Variants in MAP3K7CL observed in about 807,000 individuals in gnomAD.
MAP3K7CL encodes the protein MAP3K7 C-terminal like.
In MAP3K7CL, 16 loss-of-function variants were observed where a neutral mutation model predicts 18.6. The observed-to-expected ratio is 0.86, with a 90% CI of 0.58 to 1.31. The LOEUF (loss-of-function observed/expected upper bound fraction) is 1.31. MAP3K7CL is among the 50% of genes most tolerant of loss of function. MAP3K7CL has a pLI of 0.00. For synonymous variants in MAP3K7CL, 65 were observed against 66.8 expected, an observed-to-expected ratio of 0.97 and a Z score of 0.13; for missense variants, 163 against 174.4, an observed-to-expected ratio of 0.93 and a Z score of 0.37.
intron 2 of MAP3K7CL, among the ~76,000 whole-genome samples, chr21:29,134,143 C>T (rs2086834814): frequency 6.6e-6 from 1 of 152,108 alleles, no homozygotes; most frequent in Non-Finnish European, 1.5e-5. Context: ...GCTTAAACAA[C>T]ATTACCATTT....
At chr21:29,173,303 G>A (rs1436861691) in intron 4 of MAP3K7CL, among the ~76,000 whole-genome samples, 1 of 152,110 alleles carries the variant, frequency 6.6e-6, no homozygotes, top group African/African-American at 2.4e-5. Flanking sequence ...AACTTTTTTT[G>A]TAAGTCATCT....
upstream of MAP3K7CL, chr21:29,127,822 G>A (rs2086705352): frequency 6.6e-6 from 1 of 152,194 alleles, no homozygotes; most frequent in Non-Finnish European, 1.5e-5. Flanking sequence ...AGAGTTCTGT[G>A]GATAAAGATC....
intron 2 of MAP3K7CL, among the ~76,000 whole-genome samples, chr21:29,141,096 C>G (rs1430049492): frequency 6.6e-6 from 1 of 152,170 alleles, no homozygotes; most frequent in Non-Finnish European, 1.5e-5. Context: ...CTTCTTGAGG[C>G]AGGTGTTTTT....
intron 4 of MAP3K7CL, among the ~76,000 whole-genome samples, chr21:29,162,825 G>A (rs1288385591): frequency 1.3e-5 from 2 of 152,000 alleles, no homozygotes; most frequent in Non-Finnish European, 2.9e-5. Context: ...GAAAAAAGGG[G>A]CCAGGCGCAG....
chr21:29,126,329 CAG>C (rs1601200227), upstream of MAP3K7CL, among the ~76,000 whole-genome samples: 2 of 152,344 alleles, frequency 1.3e-5, no homozygotes, highest in East Asian at 3.9e-4. Flanking sequence ...TCAATAAAGT[CAG>C]AGCCCATCCA....
intron 2 of MAP3K7CL, chr21:29,145,677 C>A (rs2087112706): frequency 6.6e-6 from 1 of 152,196 alleles, no homozygotes; most frequent in Admixed American, 6.5e-5. Context: ...TGGCATCAAA[C>A]AGTGAAATAC....
chr21:29,174,016 G>A (rs1388971359), intron 4 of MAP3K7CL, among the ~76,000 whole-genome samples: 4 of 152,112 alleles, frequency 2.6e-5, no homozygotes, highest in African/African-American at 9.7e-5. Context: ...TCCTTATAAT[G>A]TGTATTTAAA....
At chr21:29,085,714 A>G (rs2085913520), upstream of MAP3K7CL, 9 of 702,102 alleles carry the variant, frequency 1.3e-5, no homozygotes, top group South Asian at 1.3e-4. Flanking sequence ...ATGTTACTGT[A>G]TTTAACATTA....
intron 4 of MAP3K7CL, among the ~76,000 whole-genome samples, chr21:29,160,805 G>A (rs989263927): frequency 2.6e-5 from 4 of 152,218 alleles, no homozygotes; most frequent in African/African-American, 9.7e-5. Context: ...GGTGGTAAGT[G>A]CCATAAAAGC....
At chr21:29,124,350 TC>T (rs2086647488) in intron 4 of MAP3K7CL, among the ~76,000 whole-genome samples, 1 of 78,864 alleles carries the variant, frequency 1.3e-5, no homozygotes, top group Non-Finnish European at 2.2e-5. Context: ...TGAGACTCCG[TC>T]TCAAAAAAAA....
chr21:29,095,289 A>T (rs1180455169), intron 4 of MAP3K7CL, among the ~76,000 whole-genome samples: 2 of 151,006 alleles, frequency 1.3e-5, no homozygotes, highest in African/African-American at 2.4e-5. Context: ...CTCCACTTTG[A>T]CTCCACGCCT....
At chr21:29,082,049 A>C (rs186152193), upstream of MAP3K7CL, among the ~76,000 whole-genome samples, 4 of 152,350 alleles carry the variant, frequency 2.6e-5, no homozygotes, top group African/African-American at 9.6e-5. Flanking sequence ...AATGAATAAA[A>C]CAGGGATGTT....
At chr21:29,091,978 A>G (rs2086037169) in intron 3 of MAP3K7CL, among the ~76,000 whole-genome samples, 1 of 152,216 alleles carries the variant, frequency 6.6e-6, no homozygotes, top group Non-Finnish European at 1.5e-5. Flanking sequence ...GGAGTTGTCT[A>G]ACATAATCCA....
At chr21:29,088,132 A>G (rs964080219) in intron 1 of MAP3K7CL, among the ~76,000 whole-genome samples, 1 of 152,226 alleles carries the variant, frequency 6.6e-6, no homozygotes, top group Non-Finnish European at 1.5e-5. Flanking sequence ...AAGAGAGAGC[A>G]GAGCTGGAAA....
chr21:29,128,279 G>A (rs909569097), upstream of MAP3K7CL: 59 of 151,898 alleles, frequency 3.9e-4, no homozygotes, highest in Admixed American at 3.5e-3. Context: ...CTGAGAGTCA[G>A]ACTTATTCTA....
chr21:29,138,589 T>C (rs1242122486), intron 2 of MAP3K7CL, among the ~76,000 whole-genome samples: 1 of 152,250 alleles, frequency 6.6e-6, no homozygotes, highest in African/African-American at 2.4e-5. Context: ...GAATTCTTTC[T>C]GTCTTTTGCA....
At chr21:29,077,145 C>T (rs974524128), upstream of MAP3K7CL, among the ~76,000 whole-genome samples, 2 of 152,248 alleles carry the variant, frequency 1.3e-5, no homozygotes, top group African/African-American at 4.8e-5. Flanking sequence ...CAGTGGATCA[C>T]GCACTAGGGC....
At chr21:29,129,264 G>A (rs906850947), upstream of MAP3K7CL, among the ~76,000 whole-genome samples, 2 of 152,202 alleles carry the variant, frequency 1.3e-5, no homozygotes, top group Non-Finnish European at 2.9e-5. Flanking sequence ...GTGTAATGAT[G>A]TGTATCTACC....
intron 2 of MAP3K7CL, among the ~76,000 whole-genome samples, chr21:29,144,384 C>T (rs532342375): frequency 1.4e-4 from 22 of 152,236 alleles, no homozygotes; most frequent in East Asian, 9.6e-4. Flanking sequence ...AGGCTGGTCT[C>T]GAACTCCTGA....
Sources: gnomAD v4.1 joint callset for allele counts (sites outside exome capture counted in the v4.1 genomes callset) on GRCh38, gnomAD v4.1.1 for gene constraint, MANE v1.5 for transcripts, NCBI Gene and HGNC (gene_info 2026-07-23, HGNC 2026-07-21) for gene names.